Variants in ZFYVE1 observed in about 807,000 individuals in gnomAD.
ZFYVE1 encodes zinc finger FYVE-type containing 1.
In ZFYVE1, 30 loss-of-function variants were observed where a neutral mutation model predicts 74.4. The ratio of observed to expected loss-of-function variants is 0.40; its 90% CI spans 0.30 to 0.55. The LOEUF is 0.55. Ranked by LOEUF, ZFYVE1 falls within the 20% of genes least tolerant of loss-of-function variation. The pLI is 0.42. For missense variants in ZFYVE1, 703 were observed against 1,011.6 expected (o/e 0.69, Z 4.14); for synonymous variants, 335 against 385.1 (o/e 0.87, Z 1.52).
Position 72,970,880 on chromosome 14 carries a change from G to A in ZFYVE1, c.*2C>T, listed in dbSNP as rs746829210. 22 of 1,613,950 alleles carry A rather than the reference G, an allele frequency of 1.4e-5. No homozygotes were observed. The highest frequency in any genetic ancestry group is 8.3e-5 in the Admixed American group (5 of 60,008). The stretch of plus-strand genomic sequence containing the variant: ...GTGAAGGACTCGGAGAGGGGGCTGG[G>A]GTTAAAGGTCACCGGGCTTTTTATT... On this transcript the variant is annotated 3_prime_UTR_variant, in exon 12 of 12. Transcript: ENST00000556143.
intron 2 of ZFYVE1, among the ~76,000 whole-genome samples, chr14:73,018,430 C>CAAAA (rs397853346): frequency 1.4e-4 from 8 of 55,954 alleles, no homozygotes; most frequent in East Asian, 7.1e-4. Context: ...GACTCCATCT[C>CAAAA]AAAAAAAAAA....
chr14:72,986,528 G>A (rs1355880098), intron 4 of ZFYVE1, among the ~76,000 whole-genome samples: 1 of 149,478 alleles, frequency 6.7e-6, no homozygotes, highest in Non-Finnish European at 1.5e-5. Context: ...CAAGAGTAGG[G>A]AGAAACTCCT....
intron 2 of ZFYVE1, among the ~76,000 whole-genome samples, chr14:73,004,150 C>G (rs1010958496): frequency 3.3e-5 from 5 of 152,140 alleles, no homozygotes; most frequent in Admixed American, 6.6e-5. Flanking sequence ...CAGCCTGGTT[C>G]CAAGCTGCTA....
intron 4 of ZFYVE1, among the ~76,000 whole-genome samples, chr14:72,986,405 T>G (rs181201009): frequency 1.3e-5 from 2 of 150,140 alleles, no homozygotes; most frequent in East Asian, 3.9e-4. Flanking sequence ...GCCTGACTAA[T>G]GAATCAGACC....
rs750868012 is a variant in ZFYVE1, at chr14:72,978,237, G to A, written c.1420-3C>T. ...TCCTCGCCTCTCTCATAGCAGGCCT[G>A]AAACAGGAAACACTCTGCTAGCTTA... is the stretch of plus-strand genomic sequence containing the variant. On this transcript the variant is annotated splice_region_variant and splice_polypyrimidine_tract_variant and intron_variant, in intron 6 of 11. Coordinates refer to ENST00000556143, the MANE Select transcript of ZFYVE1 (RefSeq NM_021260.4). The A allele has an allele frequency of 1.4e-5, 23 of 1,613,300 alleles. No homozygotes were observed. Among genetic ancestry groups the A allele is most frequent in the Non-Finnish European group, 3.4e-6 (4 of 1,179,444 alleles).
chr14:72,970,853 T>G lies in ZFYVE1; in HGVS notation c.*29A>C, dbSNP rs781723749. 1 of 1,609,130 alleles carries G rather than the reference T, an allele frequency of 6.2e-7. No individual in the cohort carries two copies. The highest frequency in any genetic ancestry group is 1.7e-5 in the Admixed American group (1 of 59,896). ...TTTCTAACCCTGAGAACCTAAGGAA[T>G]TGTGAAGGACTCGGAGAGGGGGCTG... On this transcript the variant is annotated 3_prime_UTR_variant, in exon 12 of 12. Transcript: ENST00000556143.
chr14:72,973,226 C>T (rs560951723), intron 11 of ZFYVE1, among the ~76,000 whole-genome samples: 137 of 151,942 alleles, frequency 9.0e-4, no homozygotes, highest in African/African-American at 3.1e-3. Flanking sequence ...CAGTGGCTCA[C>T]GCCTGTAATC....
In ZFYVE1 at chr14:73,024,025, C is replaced by G; in HGVS notation, c.483+1G>C. On this transcript the variant is annotated splice_donor_variant, in intron 2 of 11. Coordinates refer to ENST00000556143, the MANE Select transcript of ZFYVE1 (RefSeq NM_021260.4). LOFTEE classifies it high-confidence loss of function. ...GAATCCCACTATACCCGTGTGCTTA[C>G]CTGAATTTCTTCATTTTCGTCTACT... 1 of 1,613,462 alleles carries G rather than the reference C, an allele frequency of 6.2e-7. No homozygotes were observed. Among genetic ancestry groups the G allele is most frequent in the Non-Finnish European group, 8.5e-7 (1 of 1,179,770 alleles).
chr14:72,998,053 C>A lies in ZFYVE1; in HGVS notation c.746G>T (p.Arg249Ile). ...CAGGACCTTAAGCAGCAGCCGTGTTCTCTGGCTTAGATTCACGGTGGCCCC... is the reference window on the plus strand; with the variant it reads ...CAGGACCTTAAGCAGCAGCCGTGTTATCTGGCTTAGATTCACGGTGGCCCC... ...LLGATVNLSQ[R>I]TRLLLKVLAI... The change falls in exon 3 of 12, where the codon AGA becomes ATA. Residue 249 changes from arginine (R) to isoleucine (I), a missense_variant. Coordinates refer to ENST00000556143, the MANE Select transcript of ZFYVE1 (RefSeq NM_021260.4). 11 of 1,614,040 alleles carry A rather than the reference C, an allele frequency of 6.8e-6. No homozygotes were observed. The highest frequency in any genetic ancestry group is 9.3e-6 in the Non-Finnish European group (11 of 1,179,990).
In ZFYVE1 at chr14:72,978,184, A is replaced by G; in HGVS notation, c.1470T>C (p.Ala490=). ...EEVSVVPKTS[A]STDSPWMGLA... is the part of the protein sequence containing the mutation. ...GACCCATCCAGGGGGAGTCAGTGGA[A>G]GCAGATGTTTTGGGCACTACACTGA... is the stretch of plus-strand genomic sequence containing the variant. Residue 490 remains alanine, a synonymous_variant, in exon 7 of 12, where the codon GCT becomes GCC. Coordinates refer to ENST00000556143, the MANE Select transcript of ZFYVE1 (RefSeq NM_021260.4). 6.2e-7 allele frequency: 1 copy of G among 1,614,178 alleles called. No individual in the cohort carries two copies. The highest frequency in any genetic ancestry group is 8.5e-7 in the Non-Finnish European group (1 of 1,180,036).
chr14:73,002,789 T>G (rs891390031), intron 2 of ZFYVE1, among the ~76,000 whole-genome samples: 4 of 150,170 alleles, frequency 2.7e-5, no homozygotes, highest in African/African-American at 9.8e-5. Context: ...TCGCCCAGGC[T>G]GGAGTGCAGT....
chr14:73,001,929 C>T (rs1184005158), intron 2 of ZFYVE1, among the ~76,000 whole-genome samples: 1 of 151,194 alleles, frequency 6.6e-6, no homozygotes, highest in Non-Finnish European at 1.5e-5. Context: ...GCCTGGGCGA[C>T]AAAGCGAGAT....
At chr14:72,983,171 T>C (rs1893382663) in intron 4 of ZFYVE1, among the ~76,000 whole-genome samples, 1 of 151,792 alleles carries the variant, frequency 6.6e-6, no homozygotes, top group Admixed American at 6.6e-5. Context: ...TTATGCAAGG[T>C]TCCTTTTCCT....
chr14:72,991,039 C>T (rs1013951167), intron 4 of ZFYVE1, among the ~76,000 whole-genome samples: 1 of 151,912 alleles, frequency 6.6e-6, no homozygotes, highest in African/African-American at 2.4e-5. Flanking sequence ...AGCTTGGTGA[C>T]GCTTACCACC....
Position 72,975,180 on chromosome 14 carries a change from T to C in ZFYVE1, c.1807-221A>G. ...AAGTGTCTGGGTTGAAGCTGGGTGC[T>C]CTCTTGCTCTGGGTGCTGTAGCGTT... On this transcript the variant is annotated intron_variant, in intron 9 of 11. Coordinates refer to ENST00000556143, the MANE Select transcript of ZFYVE1 (RefSeq NM_021260.4). This position sits in a 1 kb window ranked among gnomAD's most constrained non-coding sequence, Gnocchi z 4.1. 1 of 552,600 alleles carries C rather than the reference T, an allele frequency of 1.8e-6. No individual in the cohort carries two copies. Among genetic ancestry groups the C allele is most frequent in the Non-Finnish European group, 3.1e-6 (1 of 321,010 alleles). The allele number at this position is 552,600 out of a possible 1,614,324, so 34.2% of individuals were successfully genotyped here.
chr14:72,973,046 G>A (rs897965121), intron 11 of ZFYVE1, among the ~76,000 whole-genome samples: 2 of 152,154 alleles, frequency 1.3e-5, no homozygotes, highest in Non-Finnish European at 2.9e-5. Context: ...TGGCTGGTGT[G>A]ACAGACTAAA....
intron 6 of ZFYVE1, 100 bp from the exon 7 acceptor site, chr14:72,978,334 G>A (rs1893229423): frequency 8.8e-7 from 1 of 1,134,838 alleles, no homozygotes; most frequent in Non-Finnish European, 1.3e-6. Flanking sequence ...GAACTCCTGG[G>A]CTCAAGCAAT....
chr14:73,024,092 G>C lies in ZFYVE1; in HGVS notation c.417C>G (p.Thr139=), dbSNP rs760359953. The C allele has an allele frequency of 1.9e-6, 3 of 1,613,980 alleles. No individual in the cohort carries two copies. The East Asian group carries it at 6.7e-5, about 36-fold the overall frequency. Residue 139 remains threonine (T), a synonymous_variant, in exon 2 of 12, where the codon ACC becomes ACG. Coordinates refer to ENST00000556143, the MANE Select transcript of ZFYVE1 (RefSeq NM_021260.4). ...CCTTCTCAGTCATCTTCTTCCTCTT[G>C]GTCTCCTCATCCATCTCTTCTGCCT... ...SLEAEEMDEE[T]KRKKMTEKVV... is the part of the protein sequence containing the mutation.
intron 2 of ZFYVE1, among the ~76,000 whole-genome samples, chr14:73,023,388 T>TTA (rs374326418): frequency 0.87 from 68,845 of 79,416 alleles, 29,727 homozygotes; most frequent in Admixed American, 0.94. Context: ...TATATATATT[T>TTA]TATGTGTTTT....
Sources: gnomAD v4.1 joint callset for allele counts (sites outside exome capture counted in the v4.1 genomes callset) on GRCh38, gnomAD v4.1.1 for gene constraint, Gnocchi (gnomAD v3.1) non-coding constraint, MANE v1.5 for transcripts, NCBI Gene and HGNC (gene_info 2026-07-23, HGNC 2026-07-21) for gene names.